PRKG1: variants seen among roughly 807,000 people sequenced by gnomAD.
The protein encoded by PRKG1 is protein kinase cGMP-dependent 1, also known as cGMP-dependent protein kinase 1.
In PRKG1, 35 loss-of-function variants were observed where a neutral mutation model predicts 88.1. That is an observed-to-expected ratio of 0.40 (90% CI 0.30 to 0.53). PRKG1 has a LOEUF of 0.53. Among genes scored for constraint, PRKG1 ranks in the 20% least tolerant of loss-of-function variants. The probability of loss-of-function intolerance (pLI) is 0.59; values close to 1 mark genes in which losing one functional copy is unlikely to be tolerated. For synonymous variants in PRKG1, 303 were observed against 292.5 expected (o/e 1.04, Z -0.37); for missense variants, 540 against 839.8 (o/e 0.64, Z 4.41).
chr10:51,704,230 T>C (rs1022994271), intron 3 of PRKG1, among the ~76,000 whole-genome samples: 6 of 136,578 alleles, frequency 4.4e-5, no homozygotes, highest in Non-Finnish European at 9.0e-5. Context: ...TGATAGATGA[T>C]AGATAGACAG....
At chr10:51,325,371 G>A (rs543859660) in intron 2 of PRKG1, among the ~76,000 whole-genome samples, 13 of 152,052 alleles carry the variant, frequency 8.5e-5, no homozygotes, top group Admixed American at 2.6e-4. Flanking sequence ...AGCAATCTTT[G>A]TATTTTTAGT....
At chr10:51,913,365 C>T (rs6480583) in intron 5 of PRKG1, among the ~76,000 whole-genome samples, 37,457 of 152,114 alleles carry the variant, frequency 0.25, 4,967 homozygotes, top group East Asian at 0.49. Context: ...TCAACCCCCA[C>T]GCCCTATCCT....
At chr10:51,374,093 A>AAAAAAATATATATATATATATATATATAT in intron 2 of PRKG1, among the ~76,000 whole-genome samples, 121 of 100,006 alleles carry the variant, frequency 1.2e-3, no homozygotes, top group Middle Eastern at 6.3e-3. Flanking sequence ...AAAAAAAAAA[A>AAAAAAATATATATATATATATATATATAT]ATATATATAT....
At chr10:51,703,233 A>G (rs185903058) in intron 3 of PRKG1, among the ~76,000 whole-genome samples, 1 of 152,178 alleles carries the variant, frequency 6.6e-6, no homozygotes, top group East Asian at 1.9e-4. Flanking sequence ...GGAATTTTTT[A>G]AAAAAAGATT....
At position 51,074,921 on chromosome 10, in the gene PRKG1, C is replaced by T; in HGVS notation, c.311+20C>T. On this transcript the variant is annotated intron_variant, in intron 1 of 17. Transcript: ENST00000373980. ...CCCACAGTAAGCAGGGGTGACGCGC[C>T]GGGTCCATGTGGCGCCCTGGCGATG... is the stretch of plus-strand genomic sequence containing the variant. 4 of 1,575,560 alleles carry T rather than the reference C, an allele frequency of 2.5e-6. No individual in the cohort carries two copies. The highest frequency in any genetic ancestry group is 2.3e-5 in the East Asian group (1 of 43,534).
At chr10:51,179,591 C>T (rs747950151) in intron 2 of PRKG1, among the ~76,000 whole-genome samples, 45 of 152,172 alleles carry the variant, frequency 3.0e-4, no homozygotes, top group Non-Finnish European at 5.9e-4. Context: ...TTATTCAGCA[C>T]GCTAATCATG....
intron 9 of PRKG1, among the ~76,000 whole-genome samples, chr10:52,187,241 G>GAGAA (rs1839223560): frequency 1.3e-5 from 2 of 151,992 alleles, no homozygotes; most frequent in African/African-American, 4.8e-5. Context: ...ATCTCAGTTT[G>GAGAA]CTTCTACACA....
chr10:51,524,487 T>A (rs866182628), intron 3 of PRKG1, among the ~76,000 whole-genome samples: 35 of 152,202 alleles, frequency 2.3e-4, no homozygotes, highest in Non-Finnish European at 4.1e-4. Context: ...GCAATAAAAG[T>A]GAAATTTCAA....
At chr10:51,843,563 C>T (rs1020892385) in intron 4 of PRKG1, among the ~76,000 whole-genome samples, 66 of 152,164 alleles carry the variant, frequency 4.3e-4, no homozygotes, top group Admixed American at 3.1e-3. Context: ...CCACGTTCTT[C>T]GTTTAGCGTT....
intron 3 of PRKG1, among the ~76,000 whole-genome samples, chr10:51,724,420 T>C (rs1198561394): frequency 6.6e-6 from 1 of 152,240 alleles, no homozygotes; most frequent in Non-Finnish European, 1.5e-5. Context: ...TAGTGCATGC[T>C]TCATTTTGGC....
chr10:51,409,612 G>A (rs183759034), intron 2 of PRKG1, among the ~76,000 whole-genome samples: 50 of 151,944 alleles, frequency 3.3e-4, no homozygotes, highest in Non-Finnish European at 6.5e-4. Flanking sequence ...ATACCAACAC[G>A]GGGAGGCTGA....
At chr10:51,518,579 G>C (rs539555828) in intron 3 of PRKG1, among the ~76,000 whole-genome samples, 33 of 152,286 alleles carry the variant, frequency 2.2e-4, no homozygotes, top group South Asian at 4.1e-4. Flanking sequence ...GTAGCATATA[G>C]AGCTGAGAAT....
At chr10:51,960,461 A>G (rs915310661) in intron 5 of PRKG1, among the ~76,000 whole-genome samples, 1 of 152,140 alleles carries the variant, frequency 6.6e-6, no homozygotes, top group Non-Finnish European at 1.5e-5. Context: ...TGGGAGTAAG[A>G]TACTTTTAAA....
chr10:51,781,472 C>T (rs1838587077), intron 3 of PRKG1, among the ~76,000 whole-genome samples: 1 of 152,112 alleles, frequency 6.6e-6, no homozygotes, highest in African/African-American at 2.4e-5. Context: ...TGTTGACAGC[C>T]TCACAAAAAC....
At chr10:52,220,817 T>C (rs12777614) in intron 9 of PRKG1, among the ~76,000 whole-genome samples, 1 of 152,022 alleles carries the variant, frequency 6.6e-6, no homozygotes, top group Non-Finnish European at 1.5e-5. Context: ...CAGTATACCG[T>C]TGATGGGCAT....
intron 3 of PRKG1, among the ~76,000 whole-genome samples, chr10:51,682,212 T>C (rs1383432150): frequency 6.6e-6 from 1 of 152,220 alleles, no homozygotes; most frequent in Non-Finnish European, 1.5e-5. Context: ...CACATAAGAT[T>C]GCCTTCACCA....
chr10:51,083,569 T>G (rs1170096059), intron 1 of PRKG1, among the ~76,000 whole-genome samples: 1 of 151,364 alleles, frequency 6.6e-6, no homozygotes, highest in Non-Finnish European at 1.5e-5. Context: ...CAGCGTGAGC[T>G]CAGGCTGAGG....
At chr10:51,539,826 A>G (rs1471680882) in intron 3 of PRKG1, among the ~76,000 whole-genome samples, 1 of 152,178 alleles carries the variant, frequency 6.6e-6, no homozygotes, top group East Asian at 1.9e-4. Flanking sequence ...TGATTACCTG[A>G]AATCTTAATA....
chr10:51,429,199 A>G (rs1396355073), intron 2 of PRKG1, among the ~76,000 whole-genome samples: 1 of 152,224 alleles, frequency 6.6e-6, no homozygotes, highest in East Asian at 1.9e-4. Flanking sequence ...CCACTAGGCT[A>G]TTCTGACACA....
Sources: allele counts gnomAD v4.1 joint callset (sites outside exome capture counted in the v4.1 genomes callset), GRCh38; gene constraint gnomAD v4.1.1; transcripts MANE v1.5; gene names NCBI Gene and HGNC (gene_info 2026-07-23, HGNC 2026-07-21).